PIK3CA: variants seen among roughly 807,000 people sequenced by gnomAD.
PIK3CA encodes the protein phosphatidylinositol-4,5-bisphosphate 3-kinase catalytic subunit alpha.
Under a neutral mutation model 138.2 loss-of-function variants are expected in PIK3CA, and 27 were observed. The observed-to-expected ratio is 0.20, with a 90% CI of 0.14 to 0.27. PIK3CA has a LOEUF of 0.27. Ranked by LOEUF, PIK3CA falls within the 10% of genes least tolerant of loss-of-function variation. The pLI, the probability that PIK3CA is intolerant of heterozygous loss-of-function variation, is 1.00. For missense variants in PIK3CA, 544 were observed against 1,277.4 expected, an observed-to-expected ratio of 0.43 and a Z score of 8.75; for synonymous variants, 358 against 413.2, an observed-to-expected ratio of 0.87 and a Z score of 1.62.
Position 179,203,801 on chromosome 3 carries a change from T to A in PIK3CA, c.1059+12T>A, listed in dbSNP as rs200627037. 6 of 1,571,492 alleles carry A rather than the reference T, an allele frequency of 3.8e-6. No homozygotes were observed. The highest frequency in any genetic ancestry group is 5.2e-6 in the Non-Finnish European group (6 of 1,158,216). On this transcript the variant is annotated intron_variant, in intron 5 of 20. Transcript: ENST00000263967. ...GAGACATTGATAAGGTAAAGTCAAA[T>A]GCTGATGCTTATTATTTTATAGAAA...
intron 1 of PIK3CA, among the ~76,000 whole-genome samples, chr3:179,180,053 T>C (rs1446975898): frequency 6.6e-6 from 1 of 152,092 alleles, no homozygotes; most frequent in Non-Finnish European, 1.5e-5. Context: ...AAGAGCACAG[T>C]TGTAATGTTT....
At position 179,238,510 on chromosome 3, in the gene PIK3CA, TGA is replaced by T. The variant is rs1304638053; in HGVS notation, c.*4148_*4149del. 4.6e-6 allele frequency: 1 copy of T among 218,614 alleles called. No individual in the cohort carries two copies. The highest frequency in any genetic ancestry group is 5.8e-5 in the Admixed American group (1 of 17,194). The allele number at this position is 218,614 out of a possible 1,614,324, so 13.5% of individuals were successfully genotyped here. The stretch of plus-strand genomic sequence containing the variant: ...AAGGAAAATGGGAAAAAAAAATAGA[TGA>T]GTCACAATTCAATACTTCAAGCTCA... On this transcript the variant is annotated 3_prime_UTR_variant, in exon 21 of 21. Transcript: ENST00000263967.
intron 16 of PIK3CA, among the ~76,000 whole-genome samples, chr3:179,225,166 CTG>C (rs2108418766): frequency 6.6e-6 from 1 of 151,724 alleles, no homozygotes; most frequent in East Asian, 1.9e-4. Context: ...ATTTGCTTAG[CTG>C]TGTGAGTATC....
At chr3:179,217,708 G>T (rs1724869052) in intron 9 of PIK3CA, among the ~76,000 whole-genome samples, 1 of 151,946 alleles carries the variant, frequency 6.6e-6, no homozygotes, top group South Asian at 2.1e-4. Flanking sequence ...TTTAATGGGG[G>T]TGTTTCTTCA....
At chr3:179,164,407 A>G (rs913966427) in intron 1 of PIK3CA, among the ~76,000 whole-genome samples, 2 of 152,232 alleles carry the variant, frequency 1.3e-5, no homozygotes, top group South Asian at 4.1e-4. Flanking sequence ...ATATGAATAC[A>G]CTTTCCATCC....
Position 179,220,910 on chromosome 3 carries a change from A to G in PIK3CA, c.2016-76A>G. ...TTGGATTTCAAAAATGAGTGTTTAA[A>G]TTGTTTAGCAAAGATTATTTGTATA... is the stretch of plus-strand genomic sequence containing the variant. On this transcript the variant is annotated intron_variant, in intron 13 of 20. Coordinates refer to ENST00000263967, the MANE Select transcript of PIK3CA (RefSeq NM_006218.4). The surrounding 1 kb of genome is among the most constrained non-coding windows in gnomAD (Gnocchi z 4.1). The G allele has an allele frequency of 1.3e-6, 1 of 796,536 alleles. No individual in the cohort carries two copies. Among genetic ancestry groups the G allele is most frequent in the Non-Finnish European group, 1.8e-6 (1 of 555,250 alleles). 49.3% of individuals were successfully genotyped at this position (796,536 alleles called of 1,614,324 possible).
chr3:179,186,099 C>T (rs2108374681), intron 1 of PIK3CA, among the ~76,000 whole-genome samples: 1 of 152,264 alleles, frequency 6.6e-6, no homozygotes, highest in African/African-American at 2.4e-5. Flanking sequence ...AACCTAGGGG[C>T]TGCCAGCCAC....
chr3:179,215,745 G>T (rs1242953819), intron 9 of PIK3CA, among the ~76,000 whole-genome samples: 9 of 152,086 alleles, frequency 5.9e-5, no homozygotes. Flanking sequence ...TTGGACACTT[G>T]AGAATTCAGA....
At chr3:179,166,331 A>G (rs1470813919) in intron 1 of PIK3CA, among the ~76,000 whole-genome samples, 1 of 152,106 alleles carries the variant, frequency 6.6e-6, no homozygotes, top group Admixed American at 6.5e-5. Flanking sequence ...TACCCCTTCC[A>G]TTTTTACCCA....
rs200251651 is a variant in PIK3CA, at chr3:179,170,073, C to CGT, written c.-77+21471_-77+21472insTG. 4.5e-3 allele frequency among the ~76,000 whole-genome samples: 433 copies of CGT among 96,632 alleles called. 1 individual carries two copies. Among genetic ancestry groups the CGT allele is most frequent in the South Asian group, 0.015 (29 of 1,930 alleles). 63.4% of individuals were successfully genotyped at this position (96,632 alleles called of 152,430 possible). A position where few individuals can be genotyped will look rare whatever the true frequency, so the allele number is the denominator to read the frequency against. ...ATGCACATGCGCGTGCACACGCGCGCGCGCACACACACACACACACACACA... is the reference window on the plus strand; with the variant it reads ...ATGCACATGCGCGTGCACACGCGCGCGTGCGCACACACACACACACACACACA... On this transcript the variant is annotated intron_variant, in intron 1 of 20. Coordinates refer to ENST00000263967, the MANE Select transcript of PIK3CA (RefSeq NM_006218.4).
chr3:179,175,710 ATTTT>A, intron 1 of PIK3CA, among the ~76,000 whole-genome samples: 1 of 140,546 alleles, frequency 7.1e-6, no homozygotes, highest in East Asian at 2.2e-4. Context: ...ACATTTGTTG[ATTTT>A]TTTTTTTTTT....
Position 179,219,866 on chromosome 3 carries a change from A to C in PIK3CA, c.1912-83A>C. 6.4e-7 allele frequency: 1 copy of C among 1,560,194 alleles called. No homozygotes were observed. Among genetic ancestry groups the C allele is most frequent in the Non-Finnish European group, 8.7e-7 (1 of 1,151,722 alleles). The stretch of plus-strand genomic sequence containing the variant: ...TTAAAAAAAAAAATTATTACCAGTA[A>C]TATCCACTTTCTTTCTGAAAAAATT... On this transcript the variant is annotated intron_variant, in intron 12 of 20. Transcript: ENST00000263967. This position sits in a 1 kb window ranked among gnomAD's most constrained non-coding sequence, Gnocchi z 4.2.
intron 1 of PIK3CA, among the ~76,000 whole-genome samples, chr3:179,152,083 A>G (rs944028622): frequency 5.3e-5 from 8 of 152,238 alleles, no homozygotes; most frequent in Admixed American, 5.2e-4. Flanking sequence ...AGACTTCTTT[A>G]AAACATGTAG....
intron 3 of PIK3CA, among the ~76,000 whole-genome samples, chr3:179,200,123 A>T (rs2108388337): frequency 6.6e-6 from 1 of 152,208 alleles, no homozygotes; most frequent in South Asian, 2.1e-4. Flanking sequence ...ATTTCTTGGT[A>T]AATTGTCTAT....
chr3:179,231,487 CCATTCTTG>C (rs1725209596), intron 20 of PIK3CA, among the ~76,000 whole-genome samples: 1 of 151,950 alleles, frequency 6.6e-6, no homozygotes, highest in African/African-American at 2.4e-5. Flanking sequence ...TTAATTATGG[CCATTCTTG>C]CAGGAGTAAG....
At chr3:179,187,250 A>G (rs1235844409) in intron 1 of PIK3CA, among the ~76,000 whole-genome samples, 1 of 152,030 alleles carries the variant, frequency 6.6e-6, no homozygotes, top group Non-Finnish European at 1.5e-5. Flanking sequence ...AGATAAGAGA[A>G]AGGGAGGCCG....
rs1425120320 is a variant in PIK3CA, at chr3:179,236,644, CCTT to C, written c.*2283_*2285del. On this transcript the variant is annotated 3_prime_UTR_variant, in exon 21 of 21. Transcript: ENST00000263967. ...ATCAGTCCAGATAGTTGTCTCCCCT[CCTT>C]CTCCCAGGACCTCTCCACCATTAAA... 2 of 227,304 alleles carry C rather than the reference CCTT, an allele frequency of 8.8e-6. No individual in the cohort carries two copies. Among genetic ancestry groups the C allele is most frequent in the Non-Finnish European group, 1.8e-5 (2 of 113,144 alleles). 14.1% of individuals were successfully genotyped at this position (227,304 alleles called of 1,614,324 possible).
Position 179,229,345 on chromosome 3 carries a change from A to G in PIK3CA, c.2569A>G (p.Ile857Val), listed in dbSNP as rs1160097862. ...TGAGGTGGTGCGAAATTCTCACACT[A>G]TTATGCAAATTCAGTGCAAAGGCGG... is the stretch of plus-strand genomic sequence containing the variant. Reference protein sequence around the residue: ...LIEVVRNSHTIMQIQCKGGLK... With the variant: ...LIEVVRNSHTVMQIQCKGGLK... Residue 857 changes from isoleucine to valine, a missense_variant, in exon 18 of 21, where the codon ATT becomes GTT. Transcript: ENST00000263967. The G allele has an allele frequency of 2.5e-6, 4 of 1,613,306 alleles. No individual in the cohort carries two copies. The highest frequency in any genetic ancestry group is 1.1e-5 in the South Asian group (1 of 91,068).
At chr3:179,155,662 A>G (rs1023316061) in intron 1 of PIK3CA, among the ~76,000 whole-genome samples, 10 of 152,176 alleles carry the variant, frequency 6.6e-5, no homozygotes, top group Non-Finnish European at 1.2e-4. Flanking sequence ...TGCATCTGCT[A>G]CCCCATTTTA....
Sources: allele counts gnomAD v4.1 joint callset (sites outside exome capture counted in the v4.1 genomes callset), GRCh38; gene constraint gnomAD v4.1.1; non-coding constraint Gnocchi (gnomAD v3.1); transcripts MANE v1.5; gene names NCBI Gene and HGNC (gene_info 2026-07-23, HGNC 2026-07-21).